The following PITPNC1 variants were observed in gnomAD, a reference collection of about 807,000 sequenced individuals.
PITPNC1 encodes phosphatidylinositol transfer protein cytoplasmic 1.
PITPNC1 carries 18 observed loss-of-function variants against 44.7 expected under a neutral mutation model. That is an observed-to-expected ratio of 0.40 (90% CI 0.28 to 0.60). The LOEUF is 0.60. Ranked by LOEUF, PITPNC1 falls within the 20% of genes least tolerant of loss-of-function variation. The probability of loss-of-function intolerance (pLI) is 0.39; values close to 1 mark genes in which losing one functional copy is unlikely to be tolerated. For synonymous variants in PITPNC1, 141 were observed against 149.6 expected (o/e 0.94, Z 0.42); for missense variants, 290 against 418.4 (o/e 0.69, Z 2.68).
chr17:67,378,181 C>A lies in PITPNC1; in HGVS notation c.27C>A (p.Cys9Ter). ...TGCTGCTGAAAGAGTACCGGATCTG[C>A]ATGCCGCTCACCGTAGACGAGGTAA... The part of the protein sequence containing the change: MLLKEYRI[C>*]MPLTVDEYKI... Residue 9 changes from cysteine to a stop codon, truncating the protein, a stop_gained, in exon 1 of 9, where the codon TGC becomes TGA. Coordinates refer to ENST00000581322, the MANE Select transcript of PITPNC1 (RefSeq NM_012417.4). LOFTEE classifies it high-confidence loss of function. 6.5e-7 allele frequency: 1 copy of A among 1,547,976 alleles called. No homozygotes were observed. Among genetic ancestry groups the A allele is most frequent in the Non-Finnish European group, 8.7e-7 (1 of 1,151,328 alleles).
intron 1 of PITPNC1, among the ~76,000 whole-genome samples, chr17:67,393,733 C>T (rs747038933): frequency 2.0e-5 from 3 of 152,154 alleles, no homozygotes; most frequent in African/African-American, 2.4e-5. Context: ...GACCAGTGTT[C>T]TCTTAAGGTA....
intron 5 of PITPNC1, among the ~76,000 whole-genome samples, chr17:67,591,876 A>AT (rs573013337): frequency 0.031 from 4,307 of 139,840 alleles, 185 homozygotes; most frequent in African/African-American, 0.098. Flanking sequence ...TGCCCAGCTA[A>AT]TTTTTTTTTT....
intron 5 of PITPNC1, among the ~76,000 whole-genome samples, chr17:67,595,854 C>T (rs2041453378): frequency 1.3e-5 from 2 of 152,254 alleles, no homozygotes; most frequent in African/African-American, 2.4e-5. Context: ...ATCTTGTTCC[C>T]AGTCCTGTAA....
chr17:67,554,411 C>T (rs905617154), intron 4 of PITPNC1, among the ~76,000 whole-genome samples: 1 of 152,052 alleles, frequency 6.6e-6, no homozygotes, highest in Non-Finnish European at 1.5e-5. Flanking sequence ...GTGTGCACCA[C>T]CACGCCCGGC....
intron 5 of PITPNC1, among the ~76,000 whole-genome samples, chr17:67,599,522 A>G (rs1266605828): frequency 6.6e-6 from 1 of 152,102 alleles, no homozygotes; most frequent in African/African-American, 2.4e-5. Context: ...AGAAAGGAGC[A>G]CTCTGAGAGT....
chr17:67,452,186 GT>G (rs2039189304), intron 1 of PITPNC1, among the ~76,000 whole-genome samples: 1 of 151,200 alleles, frequency 6.6e-6, no homozygotes, highest in African/African-American at 2.4e-5. Flanking sequence ...TTGTATTTTT[GT>G]TTTGTATAGA....
At chr17:67,624,214 CTT>C in intron 5 of PITPNC1, among the ~76,000 whole-genome samples, 1 of 127,116 alleles carries the variant, frequency 7.9e-6, no homozygotes, top group Non-Finnish European at 1.6e-5. Flanking sequence ...TCTTTCTTTT[CTT>C]TTTTTTTTTT....
intron 1 of PITPNC1, among the ~76,000 whole-genome samples, chr17:67,520,337 G>T (rs769022399): frequency 1.3e-5 from 2 of 152,148 alleles, no homozygotes; most frequent in African/African-American, 2.4e-5. Context: ...GCTCTATCTT[G>T]ATTTTCCCTC....
At chr17:67,678,920 A>G (rs1264880366) in intron 8 of PITPNC1, among the ~76,000 whole-genome samples, 2 of 152,230 alleles carry the variant, frequency 1.3e-5, no homozygotes, top group East Asian at 3.8e-4. Context: ...AGCGTCTAGC[A>G]CTGGTTCTCA....
chr17:67,530,412 C>A (rs1194140962), intron 1 of PITPNC1, among the ~76,000 whole-genome samples: 2 of 152,028 alleles, frequency 1.3e-5, no homozygotes, highest in African/African-American at 4.8e-5. Context: ...TTATAGATGG[C>A]CATTTTTCTC....
At chr17:67,649,173 CTGTT>C (rs1304216577) in intron 6 of PITPNC1, among the ~76,000 whole-genome samples, 5 of 152,242 alleles carry the variant, frequency 3.3e-5, no homozygotes, top group South Asian at 2.1e-4. Context: ...AAATAGTTGA[CTGTT>C]TGCTGAGCCG....
chr17:67,522,652 T>A, intron 1 of PITPNC1, among the ~76,000 whole-genome samples: 1 of 100,178 alleles, frequency 1.0e-5, no homozygotes, highest in East Asian at 3.7e-4. Flanking sequence ...AAATTTACCA[T>A]TTTAATCTTT....
chr17:67,497,724 C>T (rs2039973168), intron 1 of PITPNC1, among the ~76,000 whole-genome samples: 1 of 151,740 alleles, frequency 6.6e-6, no homozygotes. Context: ...GACATGGTTT[C>T]GCTATGTTTT....
intron 1 of PITPNC1, among the ~76,000 whole-genome samples, chr17:67,503,027 C>A (rs1033705440): frequency 1.3e-5 from 2 of 152,118 alleles, no homozygotes; most frequent in Non-Finnish European, 2.9e-5. Flanking sequence ...AACTCATGAC[C>A]TCAGGTGATC....
intron 1 of PITPNC1, among the ~76,000 whole-genome samples, chr17:67,410,850 C>T (rs908176692): frequency 1.1e-4 from 16 of 151,496 alleles, no homozygotes; most frequent in Non-Finnish European, 1.9e-4. Flanking sequence ...TTTGGGAGGC[C>T]GAGGCGGGTG....
At position 67,399,077 on chromosome 17, in the gene PITPNC1, C is replaced by T. The variant is rs562331981; in HGVS notation, c.48+20875C>T. 6.4e-4 allele frequency among the ~76,000 whole-genome samples: 86 copies of T among 134,608 alleles called. 1 individual carries two copies. Among genetic ancestry groups the T allele is most frequent in the African/African-American group, 2.5e-3 (85 of 33,984 alleles). 88.3% of individuals were successfully genotyped at this position (134,608 alleles called of 152,430 possible). The stretch of plus-strand genomic sequence containing the variant: ...TTTCCCAGGCTGGAGTGCAGTGGTG[C>T]GATCTCGGCTCACTGCAACTTCCGC... On this transcript the variant is annotated intron_variant, in intron 1 of 8. Transcript: ENST00000581322.
chr17:67,495,488 G>A (rs375254335), intron 1 of PITPNC1, among the ~76,000 whole-genome samples: 41 of 152,206 alleles, frequency 2.7e-4, no homozygotes, highest in African/African-American at 8.4e-4. Flanking sequence ...CCACTTACTA[G>A]GCCTAGTAGC....
At chr17:67,491,283 T>C (rs1337091340) in intron 1 of PITPNC1, among the ~76,000 whole-genome samples, 1 of 152,314 alleles carries the variant, frequency 6.6e-6, no homozygotes, top group African/African-American at 2.4e-5. Context: ...CGCAGGACAC[T>C]GAGGACCGTG....
intron 1 of PITPNC1, chr17:67,379,072 C>T: frequency 2.0e-6 from 2 of 985,904 alleles, no homozygotes; most frequent in Non-Finnish European, 2.4e-6. Context: ...CCCGGCTTCC[C>T]TTTCTTCCCC....
Sources: allele counts gnomAD v4.1 joint callset (sites outside exome capture counted in the v4.1 genomes callset), GRCh38; gene constraint gnomAD v4.1.1; transcripts MANE v1.5; gene names NCBI Gene and HGNC (gene_info 2026-07-23, HGNC 2026-07-21).